The following GCH1 variants were observed in gnomAD, a reference collection of about 807,000 sequenced individuals.
The protein encoded by GCH1 is GTP cyclohydrolase 1, also known as GTP cyclohydrolase I.
Under a neutral mutation model 25.9 loss-of-function variants are expected in GCH1, and 5 were observed. The observed-to-expected ratio is 0.19, with a 90% CI of 0.10 to 0.41. The LOEUF is 0.41. Among genes scored for constraint, GCH1 ranks in the 10% least tolerant of loss-of-function variants. The pLI is 1.00. For synonymous variants in GCH1, 159 were observed against 129.6 expected (o/e 1.23, Z -1.54); for missense variants, 261 against 336.5 (o/e 0.78, Z 1.75).
chr14:54,872,446 G>C (rs894714919), intron 1 of GCH1, among the ~76,000 whole-genome samples: 24 of 152,122 alleles, frequency 1.6e-4, no homozygotes, highest in African/African-American at 5.8e-4. Flanking sequence ...CAACTAACGA[G>C]CAAAATAACC....
intron 2 of GCH1, among the ~76,000 whole-genome samples, chr14:54,862,571 T>A (rs1233536768): frequency 6.7e-6 from 1 of 148,714 alleles, no homozygotes; most frequent in African/African-American, 2.5e-5. Context: ...TTTTTGTTTG[T>A]CTGTTTGGTT....
intron 3 of GCH1, among the ~76,000 whole-genome samples, chr14:54,856,932 G>A (rs1179525488): frequency 6.6e-6 from 1 of 152,094 alleles, no homozygotes; most frequent in African/African-American, 2.4e-5. Context: ...TGACTTCACT[G>A]GCACTGAAAG....
At chr14:54,865,824 G>A (rs2140074778) in intron 1 of GCH1, among the ~76,000 whole-genome samples, 2 of 152,198 alleles carry the variant, frequency 1.3e-5, no homozygotes, top group Middle Eastern at 3.4e-3. Flanking sequence ...TCAATATGTA[G>A]AAAACCATAT....
intron 1 of GCH1, among the ~76,000 whole-genome samples, chr14:54,872,061 T>G (rs1226052448): frequency 3.9e-5 from 6 of 151,902 alleles, no homozygotes; most frequent in African/African-American, 1.5e-4. Flanking sequence ...TCACCAAAGT[T>G]GAAATGAAGG....
At chr14:54,879,249 C>T (rs1044590112) in intron 1 of GCH1, among the ~76,000 whole-genome samples, 4 of 151,730 alleles carry the variant, frequency 2.6e-5, no homozygotes, top group East Asian at 1.9e-4. Context: ...AGTGAAAACC[C>T]ATCTCTTCTA....
intron 1 of GCH1, among the ~76,000 whole-genome samples, chr14:54,899,327 G>A (rs574608307): frequency 6.6e-6 from 1 of 152,072 alleles, no homozygotes; most frequent in Non-Finnish European, 1.5e-5. Flanking sequence ...AGGGCATGGT[G>A]GCACAAGCCT....
rs375693410 is a variant in GCH1, at chr14:54,894,534, G to A, written c.343+7787C>T. On this transcript the variant is annotated intron_variant, in intron 1 of 5. Transcript: ENST00000491895. ...GCGGTACTGTGTGATAGCAGCCCTGGGAATCTAGTACGAGTACCAACCTGA... is the reference window on the plus strand; with the variant it reads ...GCGGTACTGTGTGATAGCAGCCCTGAGAATCTAGTACGAGTACCAACCTGA... 7.4e-4 allele frequency among the ~76,000 whole-genome samples: 113 copies of A among 152,190 alleles called. 2 individuals are homozygous for A. In the South Asian group the frequency reaches 0.022, roughly 30 times the overall value.
chr14:54,880,484 CATATATATATATACTCCATATAT>C (rs2040234150), intron 1 of GCH1, among the ~76,000 whole-genome samples: 1 of 59,320 alleles, frequency 1.7e-5, no homozygotes, highest in African/African-American at 9.9e-5. Context: ...ATATACACTC[CATATATATATATACTCCATATAT>C]ATATATACTC....
At chr14:54,864,886 C>T (rs2039968744) in intron 2 of GCH1, among the ~76,000 whole-genome samples, 1 of 152,126 alleles carries the variant, frequency 6.6e-6, no homozygotes, top group African/African-American at 2.4e-5. Flanking sequence ...ACCTCTGTCA[C>T]AAGAAATTCT....
In GCH1 at chr14:54,875,468, C is replaced by G. The variant is rs531636453; in HGVS notation, c.344-10032G>C. On this transcript the variant is annotated intron_variant, in intron 1 of 5. Transcript: ENST00000491895. ...TGATGGCAACAAAAGCCAAAATTGACAAAAGGGATCTAATTAAACTAAAGA... is the reference window on the plus strand; with the variant it reads ...TGATGGCAACAAAAGCCAAAATTGAGAAAAGGGATCTAATTAAACTAAAGA... Among the ~76,000 whole-genome samples the G allele has an allele frequency of 1.4e-3, 213 of 152,252 alleles. 1 individual carries two copies. The highest frequency in any genetic ancestry group is 4.8e-3 in the African/African-American group (201 of 41,542).
chr14:54,869,205 A>AT (rs2040033444), intron 1 of GCH1, among the ~76,000 whole-genome samples: 1 of 150,710 alleles, frequency 6.6e-6, no homozygotes, highest in Non-Finnish European at 1.5e-5. Context: ...AACTCAGCTA[A>AT]TTTTTTTGTA....
At chr14:54,873,938 C>T (rs1594999344) in intron 1 of GCH1, among the ~76,000 whole-genome samples, 1 of 152,202 alleles carries the variant, frequency 6.6e-6, no homozygotes, top group Non-Finnish European at 1.5e-5. Context: ...GGTACCATTC[C>T]TTCTGAAACT....
intron 1 of GCH1, among the ~76,000 whole-genome samples, chr14:54,877,786 T>C (rs2040184657): frequency 6.6e-6 from 1 of 152,136 alleles, no homozygotes; most frequent in African/African-American, 2.4e-5. Flanking sequence ...TGAGCCACCA[T>C]GCCTGGCCCC....
At chr14:54,868,024 G>A (rs1278305260) in intron 1 of GCH1, among the ~76,000 whole-genome samples, 2 of 152,064 alleles carry the variant, frequency 1.3e-5, no homozygotes, top group East Asian at 3.8e-4. Flanking sequence ...CCATGAGAAG[G>A]GCACATCACC....
chr14:54,858,109 G>A (rs2039839371), intron 3 of GCH1, among the ~76,000 whole-genome samples: 1 of 150,688 alleles, frequency 6.6e-6, no homozygotes, highest in South Asian at 2.1e-4. Flanking sequence ...CAACTTTAGA[G>A]GGCAGTTGTC....
intron 1 of GCH1, among the ~76,000 whole-genome samples, chr14:54,881,499 C>A (rs1396712585): frequency 1.3e-5 from 2 of 152,180 alleles, no homozygotes; most frequent in African/African-American, 4.8e-5. Flanking sequence ...CATGAGTACA[C>A]CTCTTGTTAG....
chr14:54,883,633 C>T (rs1415409765), intron 1 of GCH1, among the ~76,000 whole-genome samples: 4 of 151,950 alleles, frequency 2.6e-5, no homozygotes, highest in Non-Finnish European at 5.9e-5. Flanking sequence ...GAGCCGAGAT[C>T]ACGCCACTGC....
At chr14:54,850,536 C>A (rs543904210) in intron 3 of GCH1, among the ~76,000 whole-genome samples, 1 of 151,874 alleles carries the variant, frequency 6.6e-6, no homozygotes, top group African/African-American at 2.4e-5. Flanking sequence ...ATGTGCACAA[C>A]GTGCAGGTTT....
chr14:54,860,713 G>A (rs767003633), intron 2 of GCH1, among the ~76,000 whole-genome samples: 1 of 152,070 alleles, frequency 6.6e-6, no homozygotes, highest in Non-Finnish European at 1.5e-5. Context: ...GCTAATTTTT[G>A]TATTTTTAGT....
Sources: gnomAD v4.1 joint callset for allele counts (sites outside exome capture counted in the v4.1 genomes callset) on GRCh38, gnomAD v4.1.1 for gene constraint, MANE v1.5 for transcripts, NCBI Gene and HGNC (gene_info 2026-07-23, HGNC 2026-07-21) for gene names.